Variants in BBS9 observed in about 807,000 individuals in gnomAD.
BBS9 encodes protein PTHB1.
In BBS9, 89 loss-of-function variants were observed where a neutral mutation model predicts 117.7. That is an observed-to-expected ratio of 0.76 (90% CI 0.64 to 0.90). BBS9 has a LOEUF of 0.90. Among genes scored for constraint, BBS9 ranks in the 40% least tolerant of loss-of-function variants. BBS9 has a pLI of 0.00. For missense variants in BBS9, 982 were observed against 1,042.2 expected (o/e 0.94, Z 0.80); for synonymous variants, 379 against 370.9 (o/e 1.02, Z -0.25).
At chr7:33,493,507 A>C (rs977738725) in intron 19 of BBS9, among the ~76,000 whole-genome samples, 4 of 152,212 alleles carry the variant, frequency 2.6e-5, no homozygotes, top group Non-Finnish European at 5.9e-5. Context: ...GATTCTAATG[A>C]AAGTACGTCT....
At chr7:33,137,324 G>A (rs564061784) in intron 1 of BBS9, among the ~76,000 whole-genome samples, 9 of 152,298 alleles carry the variant, frequency 5.9e-5, no homozygotes, top group South Asian at 4.1e-4. Context: ...GGTGCTTCCC[G>A]GGCCCCCGAC....
At chr7:33,367,289 T>C (rs763373401) in intron 16 of BBS9, among the ~76,000 whole-genome samples, 15 of 152,186 alleles carry the variant, frequency 9.9e-5, no homozygotes, top group Non-Finnish European at 2.1e-4. Context: ...ACCATTTGTT[T>C]TTATTTTGTT....
Position 33,404,268 on chromosome 7 carries a change from C to T in BBS9, c.2115+16124C>T, listed in dbSNP as rs549059958. On this transcript the variant is annotated intron_variant, in intron 19 of 22. Coordinates refer to ENST00000242067, the MANE Select transcript of BBS9 (RefSeq NM_198428.3). The stretch of plus-strand genomic sequence containing the variant: ...GTAGCCTTGTAGTATAGTTTGAAGT[C>T]AGGTAGCATGATGCCTCCAGCTTTG... 7.0e-3 allele frequency among the ~76,000 whole-genome samples: 1,060 copies of T among 152,214 alleles called. 15 individuals carry two copies. Among genetic ancestry groups the T allele is most frequent in the African/African-American group, 0.024 (1,017 of 41,528 alleles).
intron 21 of BBS9, among the ~76,000 whole-genome samples, chr7:33,583,140 C>T (rs1860278721): frequency 6.6e-6 from 1 of 152,144 alleles, no homozygotes; most frequent in Non-Finnish European, 1.5e-5. Context: ...TTGACTACTT[C>T]AGTGACATAT....
intron 5 of BBS9, among the ~76,000 whole-genome samples, chr7:33,217,261 A>C (rs1052004315): frequency 6.6e-6 from 1 of 151,932 alleles, no homozygotes; most frequent in African/African-American, 2.4e-5. Flanking sequence ...AAATTAGATG[A>C]AATTTTCTCA....
intron 19 of BBS9, among the ~76,000 whole-genome samples, chr7:33,499,199 C>A (rs1388225882): frequency 2.6e-5 from 4 of 152,234 alleles, no homozygotes; most frequent in South Asian, 4.2e-4. Context: ...ACACATCATC[C>A]AAAAGTAGTT....
At chr7:33,547,264 A>C (rs535444408) in intron 21 of BBS9, among the ~76,000 whole-genome samples, 2 of 152,344 alleles carry the variant, frequency 1.3e-5, no homozygotes, top group African/African-American at 4.8e-5. Context: ...AAGAAAAAAT[A>C]TAGGAAAGCA....
At chr7:33,430,746 A>G (rs557566357) in intron 19 of BBS9, among the ~76,000 whole-genome samples, 2 of 152,362 alleles carry the variant, frequency 1.3e-5, no homozygotes, top group East Asian at 3.9e-4. Context: ...GAAATTGAAT[A>G]AACATTTAAT....
intron 19 of BBS9, among the ~76,000 whole-genome samples, chr7:33,418,526 C>T (rs1276049923): frequency 6.6e-6 from 1 of 152,128 alleles, no homozygotes; most frequent in Non-Finnish European, 1.5e-5. Context: ...CATTTTCGCT[C>T]AATTAGTTGG....
chr7:33,220,294 A>G (rs1452315521), intron 5 of BBS9, among the ~76,000 whole-genome samples: 1 of 152,234 alleles, frequency 6.6e-6, no homozygotes, highest in African/African-American at 2.4e-5. Flanking sequence ...ATCATGGCAT[A>G]GTTAAAAAAA....
At chr7:33,450,871 T>TG in intron 19 of BBS9, among the ~76,000 whole-genome samples, 1 of 136,674 alleles carries the variant, frequency 7.3e-6, no homozygotes, top group Non-Finnish European at 1.6e-5. Context: ...GAAGTTTTTT[T>TG]TTTTTGTTTT....
intron 21 of BBS9, among the ~76,000 whole-genome samples, chr7:33,560,688 T>C (rs1855959928): frequency 6.6e-6 from 1 of 152,168 alleles, no homozygotes; most frequent in Non-Finnish European, 1.5e-5. Context: ...AAAGTCTCCA[T>C]TCAAATACTC....
At chr7:33,613,768 A>G (rs1864995657) in intron 21 of BBS9, among the ~76,000 whole-genome samples, 1 of 152,012 alleles carries the variant, frequency 6.6e-6, no homozygotes, top group Non-Finnish European at 1.5e-5. Flanking sequence ...AATGACAAAA[A>G]TAGGTGACCT....
At chr7:33,140,466 T>C (rs1791274970) in intron 1 of BBS9, among the ~76,000 whole-genome samples, 1 of 152,212 alleles carries the variant, frequency 6.6e-6, no homozygotes, top group Non-Finnish European at 1.5e-5. Context: ...TTCATAGCCA[T>C]GAAGATGACT....
intron 21 of BBS9, among the ~76,000 whole-genome samples, chr7:33,563,252 T>G (rs1856360325): frequency 6.6e-6 from 1 of 152,130 alleles, no homozygotes; most frequent in African/African-American, 2.4e-5. Flanking sequence ...TGTTCCCAGT[T>G]TTAAGACATC....
chr7:33,272,393 A>G (rs752912666), intron 7 of BBS9, among the ~76,000 whole-genome samples: 10 of 152,288 alleles, frequency 6.6e-5, no homozygotes, highest in Non-Finnish European at 1.3e-4. Context: ...CTTTCTGCCA[A>G]TGTTTTTCAA....
chr7:33,490,277 T>G (rs1203137961), intron 19 of BBS9, among the ~76,000 whole-genome samples: 2 of 152,230 alleles, frequency 1.3e-5, no homozygotes, highest in African/African-American at 2.4e-5. Flanking sequence ...TACTTAGGTT[T>G]GTAGATTTTT....
intron 21 of BBS9, among the ~76,000 whole-genome samples, chr7:33,538,303 A>C (rs1851782867): frequency 6.6e-6 from 1 of 152,220 alleles, no homozygotes; most frequent in Non-Finnish European, 1.5e-5. Flanking sequence ...TATGGATTGA[A>C]AAAGTTATCA....
chr7:33,256,791 C>T (rs1352669717), intron 5 of BBS9, among the ~76,000 whole-genome samples: 2 of 152,010 alleles, frequency 1.3e-5, no homozygotes, highest in African/African-American at 2.4e-5. Context: ...TAATTTTTCC[C>T]TATGTAATAC....
Sources: allele counts gnomAD v4.1 joint callset (sites outside exome capture counted in the v4.1 genomes callset), GRCh38; gene constraint gnomAD v4.1.1; transcripts MANE v1.5; gene names NCBI Gene and HGNC (gene_info 2026-07-23, HGNC 2026-07-21).